RIN2: variants seen among roughly 807,000 people sequenced by gnomAD.
RIN2 encodes the protein RAB5 interacting protein 2.
Under a neutral mutation model 78.0 loss-of-function variants are expected in RIN2, and 36 were observed. The ratio of observed to expected loss-of-function variants is 0.46; its 90% CI spans 0.35 to 0.61. The LOEUF is 0.61. Among genes scored for constraint, RIN2 ranks in the 20% least tolerant of loss-of-function variants. RIN2 has a pLI of 0.00. For missense variants in RIN2, 1,087 were observed against 1,159.7 expected (o/e 0.94, Z 0.91); for synonymous variants, 466 against 466.8 (o/e 1.00, Z 0.02).
intron 1 of RIN2, among the ~76,000 whole-genome samples, chr20:19,791,171 G>A (rs941862311): frequency 6.6e-6 from 1 of 152,110 alleles, no homozygotes; most frequent in African/African-American, 2.4e-5. Flanking sequence ...ATAAACAAAT[G>A]AATTACTTGT....
In RIN2 at chr20:19,975,856, T is replaced by C. The variant is rs1381810228; in HGVS notation, c.1762+69T>C. ...GTCCGGGCAGTGCAACCTATGTTTG[T>C]TATTTTTTATGAAGTTTACTCCGAA... On this transcript the variant is annotated intron_variant, in intron 9 of 12. Transcript: ENST00000255006. This position sits in a 1 kb window ranked among gnomAD's most constrained non-coding sequence, Gnocchi z 4.9. 1.4e-6 allele frequency: 2 copies of C among 1,408,260 alleles called. No homozygotes were observed. The highest frequency in any genetic ancestry group is 2.8e-5 in the African/African-American group (2 of 70,274). 87.2% of individuals were successfully genotyped at this position (1,408,260 alleles called of 1,614,324 possible). A position where few individuals can be genotyped will look rare whatever the true frequency, so the allele number is the denominator to read the frequency against.
rs535994979 is a variant in RIN2 at position 19,810,683 on chromosome 20, C to CTTTT, written c.-37+10959_-37+10962dup. 9.0e-5 allele frequency among the ~76,000 whole-genome samples: 9 copies of CTTTT among 99,650 alleles called. 1 individual carries two copies. The highest frequency in any genetic ancestry group is 2.9e-4 in the African/African-American group (7 of 24,298). The allele number at this position is 99,650 out of a possible 152,430, so 65.4% of individuals were successfully genotyped here. ...TTGATCATGTTAAGATTATAAGGTA[C>CTTTT]TTTTTTTTTTTTTTTTTTTTTTTTT... On this transcript the variant is annotated intron_variant, in intron 2 of 12. Transcript: ENST00000255006.
At chr20:19,877,255 C>G (rs1013488656) in intron 2 of RIN2, among the ~76,000 whole-genome samples, 2 of 117,914 alleles carry the variant, frequency 1.7e-5, no homozygotes, top group Non-Finnish European at 1.8e-5. Flanking sequence ...TCTGCAGTAA[C>G]TCGAGGTCAA....
intron 12 of RIN2, among the ~76,000 whole-genome samples, chr20:19,998,088 C>G (rs1370628904): frequency 6.6e-6 from 1 of 151,826 alleles, no homozygotes; most frequent in African/African-American, 2.4e-5. Context: ...AAACGATTCT[C>G]CTGCCTCAGC....
At chr20:19,987,577 G>A (rs866561365) in intron 9 of RIN2, among the ~76,000 whole-genome samples, 2 of 152,148 alleles carry the variant, frequency 1.3e-5, no homozygotes, top group Non-Finnish European at 2.9e-5. Flanking sequence ...AAAAATAATA[G>A]AATTATTGCA....
intron 2 of RIN2, among the ~76,000 whole-genome samples, chr20:19,839,172 G>C (rs559525023): frequency 1.8e-4 from 27 of 152,312 alleles, no homozygotes; most frequent in African/African-American, 6.3e-4. Context: ...CAACCATGTG[G>C]TTTCTAAGGG....
At chr20:19,922,605 A>G (rs1330720547) in intron 3 of RIN2, among the ~76,000 whole-genome samples, 1 of 152,196 alleles carries the variant, frequency 6.6e-6, no homozygotes, top group Non-Finnish European at 1.5e-5. Context: ...AGCACCACTC[A>G]GTAGGAGTAC....
At chr20:19,979,325 A>T (rs1413147061) in intron 9 of RIN2, among the ~76,000 whole-genome samples, 4 of 152,250 alleles carry the variant, frequency 2.6e-5, no homozygotes, top group Non-Finnish European at 5.9e-5. Context: ...AGAAGTCAGT[A>T]GCAGAAAAGA....
intron 2 of RIN2, among the ~76,000 whole-genome samples, chr20:19,865,888 G>T (rs2037490843): frequency 6.6e-6 from 1 of 152,072 alleles, no homozygotes. Context: ...AATAGAAGTG[G>T]TCCCCAACCT....
At chr20:19,859,130 A>G (rs761018286) in intron 2 of RIN2, among the ~76,000 whole-genome samples, 1 of 152,174 alleles carries the variant, frequency 6.6e-6, no homozygotes, top group Non-Finnish European at 1.5e-5. Context: ...GAATGTTGGG[A>G]CTACATTGAT....
intron 3 of RIN2, among the ~76,000 whole-genome samples, chr20:19,922,084 T>C (rs1053803204): frequency 2.6e-5 from 4 of 152,342 alleles, no homozygotes; most frequent in Middle Eastern, 3.4e-3. Context: ...CAGGCTAGTC[T>C]TGAACTCCTG....
chr20:19,900,265 C>T (rs1408168039), intron 3 of RIN2, among the ~76,000 whole-genome samples: 2 of 152,074 alleles, frequency 1.3e-5, no homozygotes, highest in Admixed American at 1.3e-4. Context: ...TGGCAGATCA[C>T]TTGAGGTCAG....
intron 3 of RIN2, among the ~76,000 whole-genome samples, chr20:19,902,460 G>A (rs73901330): frequency 0.048 from 7,239 of 152,166 alleles, 576 homozygotes; most frequent in African/African-American, 0.17. Context: ...ACCTCTTTCC[G>A]ATGGCCATCT....
chr20:19,941,890 G>A (rs2040886117), intron 4 of RIN2, among the ~76,000 whole-genome samples: 1 of 152,078 alleles, frequency 6.6e-6, no homozygotes, highest in Non-Finnish European at 1.5e-5. Flanking sequence ...TGAGGTGGGT[G>A]GATCACGAGG....
chr20:19,823,388 C>CTTTTTTTTTTTTTTTTTTTTTTTTTTTTT, intron 2 of RIN2: 1 of 376,716 alleles, frequency 2.7e-6, no homozygotes, highest in Non-Finnish European at 4.5e-6. Context: ...GCTCTGCCTG[C>CTTTTTTTTTTTTTTTTTTTTTTTTTTTTT]TTTTTTTTTT....
At chr20:19,835,272 TATATAC>T (rs2036387633) in intron 2 of RIN2, among the ~76,000 whole-genome samples, 1 of 152,176 alleles carries the variant, frequency 6.6e-6, no homozygotes, top group Non-Finnish European at 1.5e-5. Context: ...TTGTTTTGTT[TATATAC>T]ATATACATAT....
At chr20:19,758,091 G>C (rs1276103164), upstream of RIN2, 1 of 152,506 alleles carries the variant, frequency 6.6e-6, no homozygotes, top group African/African-American at 2.4e-5. Context: ...CAGGAAGGTG[G>C]CTGGGGGAGG....
At chr20:19,823,348 T>G in intron 2 of RIN2, 1 of 602,264 alleles carries the variant, frequency 1.7e-6, no homozygotes, top group Admixed American at 3.0e-5. Context: ...TGTCATTCTC[T>G]GAGCAAGTGA....
chr20:19,788,111 C>G (rs1247945957), intron 1 of RIN2, among the ~76,000 whole-genome samples: 2 of 152,098 alleles, frequency 1.3e-5, no homozygotes, highest in African/African-American at 4.8e-5. Context: ...AGGGTATGTG[C>G]AAGCCATGTT....
Sources: allele counts gnomAD v4.1 joint callset (sites outside exome capture counted in the v4.1 genomes callset), GRCh38; gene constraint gnomAD v4.1.1; non-coding constraint Gnocchi (gnomAD v3.1); transcripts MANE v1.5; gene names NCBI Gene and HGNC (gene_info 2026-07-23, HGNC 2026-07-21).